Variants in CAMK1D observed in about 807,000 individuals in gnomAD.
CAMK1D encodes calcium/calmodulin-dependent protein kinase type 1D.
Under a neutral mutation model 47.7 loss-of-function variants are expected in CAMK1D, and 9 were observed. That is an observed-to-expected ratio of 0.19 (90% confidence interval 0.11 to 0.33). The LOEUF (loss-of-function observed/expected upper bound fraction) is 0.33, where lower values mean the gene tolerates loss of function less well. Among genes scored for constraint, CAMK1D ranks in the 10% least tolerant of loss-of-function variants. The pLI is 1.00. For missense variants in CAMK1D, 291 were observed against 488.7 expected, an observed-to-expected ratio of 0.60 and a Z score of 3.81; for synonymous variants, 184 against 184.9, an observed-to-expected ratio of 0.99 and a Z score of 0.04.
intron 2 of CAMK1D, among the ~76,000 whole-genome samples, chr10:12,626,490 T>TA (rs1839219215): frequency 6.6e-6 from 1 of 151,156 alleles, no homozygotes; most frequent in Non-Finnish European, 1.5e-5. Context: ...TTTTTTTTTT[T>TA]TGAGATGGAG....
At chr10:12,408,371 C>A (rs1263348232) in intron 1 of CAMK1D, among the ~76,000 whole-genome samples, 1 of 151,290 alleles carries the variant, frequency 6.6e-6, no homozygotes, top group South Asian at 2.1e-4. Flanking sequence ...TTGCCATTTT[C>A]ACCATGTTAG....
chr10:12,795,892 C>T (rs767876697), intron 6 of CAMK1D, among the ~76,000 whole-genome samples: 1 of 152,200 alleles, frequency 6.6e-6, no homozygotes, highest in Non-Finnish European at 1.5e-5. Flanking sequence ...ATAGCTTATG[C>T]TGCCAGGAAG....
chr10:12,401,827 A>T (rs1442403149), intron 1 of CAMK1D, among the ~76,000 whole-genome samples: 2 of 151,916 alleles, frequency 1.3e-5, no homozygotes, highest in Non-Finnish European at 2.9e-5. Context: ...TCAGGCATGT[A>T]TAGGGGAGTA....
intron 2 of CAMK1D, among the ~76,000 whole-genome samples, chr10:12,635,320 A>G (rs1839484501): frequency 6.6e-6 from 1 of 152,186 alleles, no homozygotes; most frequent in Non-Finnish European, 1.5e-5. Flanking sequence ...TTCTTGAGAA[A>G]GTCACTGCCC....
intron 1 of CAMK1D, among the ~76,000 whole-genome samples, chr10:12,442,255 G>A (rs1832804437): frequency 6.6e-6 from 1 of 152,218 alleles, no homozygotes; most frequent in African/African-American, 2.4e-5. Context: ...GTCAAGGCAG[G>A]CGGATCACGA....
At chr10:12,438,100 C>T (rs1213366497) in intron 1 of CAMK1D, among the ~76,000 whole-genome samples, 1 of 152,232 alleles carries the variant, frequency 6.6e-6, no homozygotes, top group African/African-American at 2.4e-5. Flanking sequence ...TGGGAACCCT[C>T]CTGGAATCCA....
At chr10:12,801,247 ATCCATCCATCCATCTGTCCG>A (rs1838419029) in intron 6 of CAMK1D, among the ~76,000 whole-genome samples, 1 of 151,556 alleles carries the variant, frequency 6.6e-6, no homozygotes, top group Non-Finnish European at 1.5e-5. Context: ...CCATCCATCC[ATCCATCCATCCATCTGTCCG>A]TCCATCCATC....
At chr10:12,664,930 AAT>A (rs1840381424) in intron 2 of CAMK1D, among the ~76,000 whole-genome samples, 1 of 152,226 alleles carries the variant, frequency 6.6e-6, no homozygotes, top group South Asian at 2.1e-4. Context: ...TCCAATTGCA[AAT>A]TAAAACAATT....
chr10:12,409,266 C>T (rs1222149285), intron 1 of CAMK1D, among the ~76,000 whole-genome samples: 2 of 151,932 alleles, frequency 1.3e-5, no homozygotes, highest in Non-Finnish European at 2.9e-5. Flanking sequence ...CCTCATGGTC[C>T]CTATTACGGT....
chr10:12,598,684 A>G (rs1367477599), intron 2 of CAMK1D, among the ~76,000 whole-genome samples: 1 of 152,150 alleles, frequency 6.6e-6, no homozygotes, highest in Non-Finnish European at 1.5e-5. Context: ...AGGGAGGAAA[A>G]GGGCTCTGTA....
At chr10:12,688,305 GACTGAAT>G (rs1832736796) in intron 3 of CAMK1D, among the ~76,000 whole-genome samples, 2 of 152,316 alleles carry the variant, frequency 1.3e-5, no homozygotes, top group South Asian at 4.1e-4. Context: ...TAGTGTGAAT[GACTGAAT>G]CTTAGTGTCG....
At chr10:12,437,569 C>T (rs1832672309) in intron 1 of CAMK1D, among the ~76,000 whole-genome samples, 3 of 152,278 alleles carry the variant, frequency 2.0e-5, no homozygotes, top group South Asian at 4.1e-4. Context: ...CCTATATACT[C>T]GCTGCCCTAC....
rs541954497 is a variant in CAMK1D, at chr10:12,802,734, C to A, written c.642-11461C>A. On this transcript the variant is annotated intron_variant, in intron 6 of 10. Transcript: ENST00000619168. ...ATGGGGTTTCACCATGTTGGCCAGG[C>A]TGGTCTTGAACTACTGACCTCATGA... Among the ~76,000 whole-genome samples the A allele has an allele frequency of 5.5e-4, 84 of 152,310 alleles. 1 individual carries two copies. Among genetic ancestry groups the A allele is most frequent in the Admixed American group, 4.4e-3 (67 of 15,294 alleles).
chr10:12,688,806 C>T (rs770015258), intron 3 of CAMK1D, among the ~76,000 whole-genome samples: 4 of 152,164 alleles, frequency 2.6e-5, no homozygotes, highest in Admixed American at 6.5e-5. Flanking sequence ...TGCCTTACCC[C>T]CTGAGTAGTT....
intron 3 of CAMK1D, among the ~76,000 whole-genome samples, chr10:12,751,074 A>G (rs528802107): frequency 2.7e-5 from 1 of 37,426 alleles, no homozygotes; most frequent in Non-Finnish European, 4.8e-5. Context: ...AAGATAAGAT[A>G]AGATAAGATA....
intron 2 of CAMK1D, among the ~76,000 whole-genome samples, chr10:12,562,659 T>A (rs1452040428): frequency 6.6e-6 from 1 of 152,218 alleles, no homozygotes; most frequent in African/African-American, 2.4e-5. Context: ...CTGCTGCAGT[T>A]TGACACACAC....
chr10:12,692,267 G>A (rs1264014853), intron 3 of CAMK1D, among the ~76,000 whole-genome samples: 1 of 152,140 alleles, frequency 6.6e-6, no homozygotes, highest in African/African-American at 2.4e-5. Context: ...TGCTATTGAT[G>A]CAAGACAAAT....
At chr10:12,504,812 T>C (rs1276720312) in intron 1 of CAMK1D, among the ~76,000 whole-genome samples, 2 of 152,094 alleles carry the variant, frequency 1.3e-5, no homozygotes, top group East Asian at 1.9e-4. Context: ...ACGGGGCTCC[T>C]CTCAGGTTTT....
intron 8 of CAMK1D, among the ~76,000 whole-genome samples, chr10:12,820,946 G>C (rs1440988799): frequency 6.6e-6 from 1 of 152,266 alleles, no homozygotes; most frequent in African/African-American, 2.4e-5. Flanking sequence ...CCAGCTCAGT[G>C]GTTCTGAGCA....
Sources: allele counts gnomAD v4.1 joint callset (sites outside exome capture counted in the v4.1 genomes callset), GRCh38; gene constraint gnomAD v4.1.1; transcripts MANE v1.5; gene names NCBI Gene and HGNC (gene_info 2026-07-23, HGNC 2026-07-21).